TGFBR3: variants seen among roughly 807,000 people sequenced by gnomAD.
TGFBR3 encodes the protein transforming growth factor beta receptor type 3.
Under a neutral mutation model 87.9 loss-of-function variants are expected in TGFBR3, and 46 were observed. The ratio of observed to expected loss-of-function variants is 0.52; its 90% confidence interval spans 0.41 to 0.67. The LOEUF (loss-of-function observed/expected upper bound fraction) is 0.67. TGFBR3 is among the 30% of genes least tolerant of loss of function. The pLI, the probability that TGFBR3 is intolerant of heterozygous loss-of-function variation, is 0.00. For synonymous variants in TGFBR3, 381 were observed against 391.6 expected (o/e 0.97, Z 0.32); for missense variants, 866 against 1,041.9 (o/e 0.83, Z 2.32).
intron 2 of TGFBR3, among the ~76,000 whole-genome samples, chr1:91,827,627 T>A (rs1200847728): frequency 1.3e-5 from 2 of 152,178 alleles, no homozygotes; most frequent in African/African-American, 4.8e-5. Context: ...AGATAATTCA[T>A]TAACGAAGAA....
chr1:91,854,319 TCATGTCCTTCAC>T (rs2101158545), intron 2 of TGFBR3, among the ~76,000 whole-genome samples: 1 of 152,134 alleles, frequency 6.6e-6, no homozygotes, highest in South Asian at 2.1e-4. Flanking sequence ...CTGGTGCCAG[TCATGTCCTTCAC>T]CATGGGGGCC....
chr1:91,794,065 G>GT (rs933229015), intron 3 of TGFBR3, among the ~76,000 whole-genome samples: 5 of 152,036 alleles, frequency 3.3e-5, no homozygotes, highest in African/African-American at 9.7e-5. Flanking sequence ...AGGTCAAACG[G>GT]TTTTTTTAAA....
At chr1:91,684,658 C>T (rs1256235082) in intron 16 of TGFBR3, among the ~76,000 whole-genome samples, 4 of 152,178 alleles carry the variant, frequency 2.6e-5, no homozygotes, top group Non-Finnish European at 1.5e-5. Context: ...AAGGAAACCT[C>T]AAGTCACACA....
intron 2 of TGFBR3, among the ~76,000 whole-genome samples, chr1:91,855,615 C>T (rs896343298): frequency 1.3e-5 from 2 of 152,072 alleles, no homozygotes; most frequent in South Asian, 2.1e-4. Flanking sequence ...AAGAAAAGCA[C>T]AATTATCACA....
At chr1:91,765,314 A>G (rs1674139842) in intron 3 of TGFBR3, among the ~76,000 whole-genome samples, 1 of 150,678 alleles carries the variant, frequency 6.6e-6, no homozygotes, top group Middle Eastern at 3.2e-3. Flanking sequence ...AAGAAGGAAT[A>G]AAAGAAGGAA....
intron 6 of TGFBR3, 32 bp from the exon 7 acceptor site, chr1:91,727,838 C>T (rs754317420): frequency 1.3e-5 from 21 of 1,612,372 alleles, no homozygotes; most frequent in Non-Finnish European, 1.8e-5. Flanking sequence ...AAAGTTAAGA[C>T]CTACATGCCA....
chr1:91,785,061 T>A (rs950933839), intron 3 of TGFBR3, among the ~76,000 whole-genome samples: 1 of 152,200 alleles, frequency 6.6e-6, no homozygotes, highest in Non-Finnish European at 1.5e-5. Context: ...GCTTTAAAAC[T>A]AATAAAACTT....
intron 2 of TGFBR3, among the ~76,000 whole-genome samples, chr1:91,892,719 G>A (rs1009681043): frequency 2.8e-4 from 42 of 152,056 alleles, no homozygotes; most frequent in Non-Finnish European, 2.2e-4. Flanking sequence ...TGATTGTTTC[G>A]TAATGAACAT....
chr1:91,835,456 G>C (rs1371102983), intron 2 of TGFBR3, among the ~76,000 whole-genome samples: 1 of 152,154 alleles, frequency 6.6e-6, no homozygotes, highest in Non-Finnish European at 1.5e-5. Flanking sequence ...GTAAAGGTTG[G>C]GGGCTTAGTC....
chr1:91,710,463 C>A (rs572870550), intron 13 of TGFBR3, among the ~76,000 whole-genome samples: 2 of 152,104 alleles, frequency 1.3e-5, no homozygotes, highest in South Asian at 4.2e-4. Flanking sequence ...GGAGTGTGAC[C>A]CTGGGCAAGA....
At chr1:91,779,650 T>C (rs1201959711) in intron 3 of TGFBR3, among the ~76,000 whole-genome samples, 2 of 152,198 alleles carry the variant, frequency 1.3e-5, no homozygotes, top group South Asian at 2.1e-4. Flanking sequence ...CCAAGGACTG[T>C]GGCCCTGGCA....
chr1:91,715,827 T>C (rs530493431), intron 12 of TGFBR3, among the ~76,000 whole-genome samples: 1 of 152,038 alleles, frequency 6.6e-6, no homozygotes, highest in African/African-American at 2.4e-5. Flanking sequence ...TTGGCTGCCC[T>C]GCTGGGGGCT....
upstream of TGFBR3, among the ~76,000 whole-genome samples, chr1:91,887,354 C>A (rs575095546): frequency 6.7e-6 from 1 of 148,364 alleles, no homozygotes; most frequent in African/African-American, 2.5e-5. Flanking sequence ...CAGGCTCAAG[C>A]GATTCTCCCA....
rs2101194259 is a variant in TGFBR3, at chr1:91,861,564, C to A, written c.-33G>T. 6.4e-7 allele frequency: 1 copy of A among 1,554,766 alleles called. No homozygotes were observed. The highest frequency in any genetic ancestry group is 1.1e-5 in the South Asian group (1 of 89,838). ...TCTCCAACAGTGCGTCTCGTCCAGT[C>A]ACTTCAGCCTGCTCAGAGCACAGAC... On this transcript the variant is annotated 5_prime_UTR_variant, in exon 2 of 17. Coordinates refer to ENST00000212355, the MANE Select transcript of TGFBR3 (RefSeq NM_003243.5).
intron 1 of TGFBR3, among the ~76,000 whole-genome samples, chr1:91,873,134 ACT>A (rs1459729595): frequency 2.0e-5 from 3 of 151,864 alleles, no homozygotes; most frequent in Non-Finnish European, 4.4e-5. Flanking sequence ...CACCCAGCTG[ACT>A]TTTTAAGATT....
intron 2 of TGFBR3, among the ~76,000 whole-genome samples, chr1:91,811,125 A>G (rs1676016729): frequency 6.6e-6 from 1 of 152,174 alleles, no homozygotes; most frequent in African/African-American, 2.4e-5. Context: ...AGCCTGGGCA[A>G]GAGAGTGAGA....
At chr1:91,901,627 GAATAAACGT>G (rs1679720731) in intron 1 of TGFBR3, among the ~76,000 whole-genome samples, 1 of 151,922 alleles carries the variant, frequency 6.6e-6, no homozygotes, top group Non-Finnish European at 1.5e-5. Context: ...ATAAACATTA[GAATAAACGT>G]TGTGGGCCAG....
chr1:91,790,531 C>T (rs1391245365), intron 3 of TGFBR3, among the ~76,000 whole-genome samples: 1 of 152,174 alleles, frequency 6.6e-6, no homozygotes, highest in Non-Finnish European at 1.5e-5. Flanking sequence ...CCCTGTCAAG[C>T]TGGGTGATTT....
intron 2 of TGFBR3, among the ~76,000 whole-genome samples, chr1:91,857,798 G>A (rs1451300971): frequency 1.3e-5 from 2 of 152,260 alleles, no homozygotes; most frequent in African/African-American, 4.8e-5. Flanking sequence ...AATAGGGTGG[G>A]AACGAATCTT....
Sources: gnomAD v4.1 joint callset for allele counts (sites outside exome capture counted in the v4.1 genomes callset) on GRCh38, gnomAD v4.1.1 for gene constraint, MANE v1.5 for transcripts, NCBI Gene and HGNC (gene_info 2026-07-23, HGNC 2026-07-21) for gene names.